Variants in PTPRT observed in about 807,000 individuals in gnomAD.
The protein encoded by PTPRT is protein tyrosine phosphatase receptor type T.
A neutral mutation model predicts 176.8 loss-of-function variants in PTPRT; 56 were observed. That is an observed-to-expected ratio of 0.32 (90% CI 0.26 to 0.40). The LOEUF is 0.40. Ranked by LOEUF, PTPRT falls within the 10% of genes least tolerant of loss-of-function variation. PTPRT has a pLI of 1.00. For missense variants in PTPRT, 1,540 were observed against 1,908.2 expected, an observed-to-expected ratio of 0.81 and a Z score of 3.60; for synonymous variants, 783 against 739.0, an observed-to-expected ratio of 1.06 and a Z score of -0.96.
chr20:42,057,186 C>T, the PTPRT span, among the ~76,000 whole-genome samples: 1 of 152,180 alleles, frequency 6.6e-6, no homozygotes, highest in Non-Finnish European at 1.5e-5. Flanking sequence ...GAACAGTGGG[C>T]TGAGTCTTGG....
rs138381633 is a variant in PTPRT, at chr20:42,338,712, A to C, written c.1865+11916T>G. 2.1e-3 allele frequency among the ~76,000 whole-genome samples: 320 copies of C among 152,210 alleles called. 1 individual carries two copies. Among genetic ancestry groups the C allele is most frequent in the Admixed American group, 5.0e-3 (76 of 15,286 alleles). ...TTTTCTAACTCTGTTTCTCTCTCAT[A>C]ATTTCAGCTTTGCCTTTTAGCCACA... On this transcript the variant is annotated intron_variant, in intron 11 of 30. Transcript: ENST00000373187.
chr20:42,099,349 C>T (rs529908211), intron 26 of PTPRT, among the ~76,000 whole-genome samples: 4 of 152,126 alleles, frequency 2.6e-5, no homozygotes, highest in African/African-American at 7.2e-5. Flanking sequence ...ATGAGATTTA[C>T]GTGTGAAAAG....
intron 9 of PTPRT, among the ~76,000 whole-genome samples, chr20:42,367,552 G>A (rs1052810759): frequency 9.9e-5 from 15 of 152,170 alleles, no homozygotes; most frequent in African/African-American, 3.6e-4. Context: ...TAATAAATAT[G>A]CCATTTATTT....
At chr20:42,554,875 T>A (rs549516147) in intron 7 of PTPRT, among the ~76,000 whole-genome samples, 1 of 152,266 alleles carries the variant, frequency 6.6e-6, no homozygotes, top group South Asian at 2.1e-4. Context: ...GAGTTATTAT[T>A]TTTTAGATTT....
chr20:42,511,204 C>T (rs2071949946), intron 7 of PTPRT, among the ~76,000 whole-genome samples: 2 of 152,192 alleles, frequency 1.3e-5, no homozygotes, highest in Non-Finnish European at 2.9e-5. Flanking sequence ...TTCCCAGTCT[C>T]TGGAACTGTG....
intron 7 of PTPRT, among the ~76,000 whole-genome samples, chr20:42,648,428 G>T (rs979917341): frequency 6.6e-6 from 1 of 152,100 alleles, no homozygotes; most frequent in Non-Finnish European, 1.5e-5. Flanking sequence ...TGCTCTCAAG[G>T]AATGTGTTGA....
Position 42,110,443 on chromosome 20 carries a change from G to A in PTPRT, c.3144C>T (p.Thr1048=), listed in dbSNP as rs1225515865. 5 of 1,611,954 alleles carry A rather than the reference G, an allele frequency of 3.1e-6. No homozygotes were observed. The highest frequency in any genetic ancestry group is 2.2e-5 in the East Asian group (1 of 44,844). Residue 1048 remains threonine (T), a synonymous_variant, in exon 23 of 31, where the codon ACC becomes ACT. Transcript: ENST00000373187. The part of the protein sequence containing the change: ...EIRELRLFHF[T]SWPDHGVPCY... ...AGGGAACGCCGTGGTCAGGCCAGCT[G>A]GTGAAGTGGAAGAGGCGGAGCTCCC...
chr20:42,391,997 G>A (rs888028790), intron 9 of PTPRT, among the ~76,000 whole-genome samples: 2 of 152,144 alleles, frequency 1.3e-5, no homozygotes, highest in Non-Finnish European at 2.9e-5. Flanking sequence ...AATGGCCAGA[G>A]AGGGGTGCAC....
intron 7 of PTPRT, among the ~76,000 whole-genome samples, chr20:42,572,817 T>C (rs1475271392): frequency 6.6e-6 from 1 of 152,088 alleles, no homozygotes. Context: ...AATAAAACAT[T>C]CTCTGCCTTC....
At chr20:42,088,739 T>C (rs1436002924) in intron 27 of PTPRT, among the ~76,000 whole-genome samples, 1 of 152,198 alleles carries the variant, frequency 6.6e-6, no homozygotes, top group Admixed American at 6.5e-5. Context: ...ACAAAGACCA[T>C]ATAGCCTGCA....
intron 13 of PTPRT, among the ~76,000 whole-genome samples, chr20:42,280,712 C>T (rs1257725487): frequency 6.6e-6 from 1 of 152,216 alleles, no homozygotes; most frequent in African/African-American, 2.4e-5. Flanking sequence ...CTGCAATTCT[C>T]TTGCACATCA....
chr20:43,068,508 A>C lies in PTPRT; in HGVS notation c.88+121138T>G, dbSNP rs375121324. Among the ~76,000 whole-genome samples the C allele has an allele frequency of 3.9e-3, 593 of 150,350 alleles. 5 individuals are homozygous for C. Among genetic ancestry groups the C allele is most frequent in the African/African-American group, 0.014 (571 of 40,788 alleles). ...CAACAGAGAGAGACTCTGTCTCAAA[A>C]AAAAAAAAAAAAAAAAGCCAATTAG... is the stretch of plus-strand genomic sequence containing the variant. On this transcript the variant is annotated intron_variant, in intron 1 of 30. Transcript: ENST00000373187.
intron 7 of PTPRT, among the ~76,000 whole-genome samples, chr20:42,666,480 T>G (rs1474930865): frequency 6.6e-6 from 1 of 152,226 alleles, no homozygotes; most frequent in Non-Finnish European, 1.5e-5. Flanking sequence ...TCCAATCACT[T>G]TTTCTAAGTG....
chr20:42,942,218 T>C (rs1224237336), intron 1 of PTPRT, among the ~76,000 whole-genome samples: 1 of 152,012 alleles, frequency 6.6e-6, no homozygotes, highest in Non-Finnish European at 1.5e-5. Context: ...ATCCTGAAAA[T>C]AGTACTTGTT....
At chr20:42,728,860 T>A (rs960272346) in intron 6 of PTPRT, among the ~76,000 whole-genome samples, 2 of 152,178 alleles carry the variant, frequency 1.3e-5, no homozygotes, top group African/African-American at 4.8e-5. Context: ...TAACTTCACA[T>A]CCTAGCCACT....
Position 42,571,791 on chromosome 20 carries a change from T to C in PTPRT, c.1154-99229A>G, listed in dbSNP as rs573078401. Among the ~76,000 whole-genome samples, 167 of 152,124 alleles carry C rather than the reference T, an allele frequency of 1.1e-3. 1 individual carries two copies. Among genetic ancestry groups the C allele is most frequent in the Non-Finnish European group, 2.1e-3 (140 of 67,974 alleles). ...CGGGGCAGTCATTCACTTCTTTCCA[T>C]CTTAGTTTCCCACACCCTTGTCCAA... is the stretch of plus-strand genomic sequence containing the variant. On this transcript the variant is annotated intron_variant, in intron 7 of 30. Coordinates refer to ENST00000373187, the MANE Select transcript of PTPRT (RefSeq NM_007050.6).
At chr20:43,008,280 C>T (rs1174215245) in intron 1 of PTPRT, among the ~76,000 whole-genome samples, 4 of 152,160 alleles carry the variant, frequency 2.6e-5, no homozygotes, top group African/African-American at 9.7e-5. Context: ...AGAAAGATCC[C>T]TTGCCCCTTC....
At chr20:42,062,387 C>T in the PTPRT span, among the ~76,000 whole-genome samples, 1 of 152,176 alleles carries the variant, frequency 6.6e-6, no homozygotes, top group African/African-American at 2.4e-5. Context: ...TTGGAAAAGC[C>T]ACTGGGGCAT....
intron 2 of PTPRT, among the ~76,000 whole-genome samples, chr20:42,865,750 G>C (rs1484206658): frequency 2.6e-5 from 4 of 152,192 alleles, no homozygotes. Context: ...GCAAGCAACA[G>C]CTCCAACAAA....
Sources: allele counts gnomAD v4.1 joint callset (sites outside exome capture counted in the v4.1 genomes callset), GRCh38; gene constraint gnomAD v4.1.1; transcripts MANE v1.5; gene names NCBI Gene and HGNC (gene_info 2026-07-23, HGNC 2026-07-21).